Variants in PIAS1 observed in about 807,000 individuals in gnomAD.
The protein encoded by PIAS1 is protein inhibitor of activated STAT 1, also known as E3 SUMO-protein ligase PIAS1.
PIAS1 carries 6 observed loss-of-function variants against 71.3 expected under a neutral mutation model. The observed-to-expected ratio is 0.08, with a 90% CI of 0.05 to 0.17. The LOEUF is 0.17. Among genes scored for constraint, PIAS1 ranks in the 10% least tolerant of loss-of-function variants. The probability of loss-of-function intolerance (pLI) is 1.00; values close to 1 mark genes in which losing one functional copy is unlikely to be tolerated. For synonymous variants in PIAS1, 303 were observed against 292.9 expected, an observed-to-expected ratio of 1.03 and a Z score of -0.35; for missense variants, 555 against 793.6, an observed-to-expected ratio of 0.70 and a Z score of 3.61.
chr15:68,180,205 A>G lies in PIAS1; in HGVS notation c.1482-1007A>G, dbSNP rs189264975. ...AGCCTCGACCCCCCAGGCTCAAGCA[A>G]TCCTCTCATCTATCTCCCAAGTAGC... On this transcript the variant is annotated intron_variant, in intron 11 of 13. Coordinates refer to ENST00000249636, the MANE Select transcript of PIAS1 (RefSeq NM_016166.3). 1.1e-3 allele frequency among the ~76,000 whole-genome samples: 169 copies of G among 152,144 alleles called. 1 individual carries two copies. Among genetic ancestry groups the G allele is most frequent in the African/African-American group, 3.9e-3 (163 of 41,516 alleles).
intron 4 of PIAS1, among the ~76,000 whole-genome samples, chr15:68,144,010 G>A (rs1595762783): frequency 6.6e-6 from 1 of 151,934 alleles, no homozygotes; most frequent in Non-Finnish European, 1.5e-5. Context: ...AGCAACAGGT[G>A]TGGTCCACAT....
At chr15:68,147,586 T>G (rs1415720472) in intron 6 of PIAS1, among the ~76,000 whole-genome samples, 1 of 152,160 alleles carries the variant, frequency 6.6e-6, no homozygotes, top group African/African-American at 2.4e-5. Context: ...AGCCAAAACT[T>G]AACCAGTTAT....
intron 2 of PIAS1, among the ~76,000 whole-genome samples, chr15:68,138,301 G>T (rs191166162): frequency 6.6e-6 from 1 of 152,208 alleles, no homozygotes; most frequent in East Asian, 1.9e-4. Context: ...GGTGCCTCTT[G>T]AACTGCTTGA....
intron 7 of PIAS1, among the ~76,000 whole-genome samples, chr15:68,160,618 CAG>C (rs1422888940): frequency 6.6e-6 from 1 of 152,088 alleles, no homozygotes; most frequent in Admixed American, 6.6e-5. Flanking sequence ...GGTGACCAAA[CAG>C]AATTTATTTC....
At chr15:68,106,096 T>C (rs904950210) in intron 2 of PIAS1, among the ~76,000 whole-genome samples, 3 of 152,084 alleles carry the variant, frequency 2.0e-5, no homozygotes, top group African/African-American at 7.2e-5. Flanking sequence ...AGATATTGAT[T>C]CAAGTAAAGG....
rs1411780725 is a variant in PIAS1 at position 68,187,668 on chromosome 15, G to A, written c.1789G>A (p.Gly597Ser). Residue 597 changes from glycine (G) to serine (S), a missense_variant, in exon 14 of 14, where the codon GGC (glycine) becomes AGC (serine). Transcript: ENST00000249636. This position sits in a 1 kb window ranked among gnomAD's most constrained non-coding sequence, Gnocchi z 5.3. Reference sequence around the variant, plus strand: ...GTTTCTTGATCAGTTAAGTGCAGGAGGCAGTACTTCTCTGCCAACCACCAA... The same window carrying A: ...GTTTCTTGATCAGTTAAGTGCAGGAAGCAGTACTTCTCTGCCAACCACCAA... ...QMFLDQLSAG[G>S]STSLPTTNGS... is the part of the protein sequence containing the mutation. The A allele has an allele frequency of 1.2e-6, 2 of 1,613,988 alleles. No homozygotes were observed. The highest frequency in any genetic ancestry group is 3.3e-5 in the Admixed American group (2 of 60,008).
At chr15:68,108,875 C>T (rs1176348346) in intron 2 of PIAS1, among the ~76,000 whole-genome samples, 4 of 152,162 alleles carry the variant, frequency 2.6e-5, no homozygotes, top group Non-Finnish European at 5.9e-5. Flanking sequence ...TGCTACTATG[C>T]TTATCTGAGC....
chr15:68,179,895 A>G (rs139956712), intron 11 of PIAS1, among the ~76,000 whole-genome samples: 204 of 151,942 alleles, frequency 1.3e-3, no homozygotes, highest in Non-Finnish European at 2.2e-3. Flanking sequence ...GAAATATTCT[A>G]TACCACTGAA....
intron 4 of PIAS1, among the ~76,000 whole-genome samples, chr15:68,142,563 G>A (rs1841714605): frequency 6.6e-6 from 1 of 152,004 alleles, no homozygotes; most frequent in African/African-American, 2.4e-5. Context: ...ATATTTGGGT[G>A]AGGGAAAACA....
At chr15:68,077,890 G>T (rs558712174) in intron 1 of PIAS1, among the ~76,000 whole-genome samples, 20 of 152,302 alleles carry the variant, frequency 1.3e-4, no homozygotes, top group Admixed American at 5.2e-4. Flanking sequence ...CTAGGACCCA[G>T]ACTGAAGGCT....
At chr15:68,117,277 G>A (rs374295767) in intron 2 of PIAS1, among the ~76,000 whole-genome samples, 1 of 151,992 alleles carries the variant, frequency 6.6e-6, no homozygotes, top group South Asian at 2.1e-4. Context: ...GTAGAGTTGG[G>A]GTTTCACCAT....
intron 1 of PIAS1, among the ~76,000 whole-genome samples, chr15:68,067,562 G>T (rs1169386249): frequency 2.6e-5 from 4 of 151,862 alleles, no homozygotes; most frequent in Non-Finnish European, 5.9e-5. Flanking sequence ...TTAACTGGAG[G>T]TCATTGTAAA....
intron 2 of PIAS1, among the ~76,000 whole-genome samples, chr15:68,125,179 TATTTCTC>T (rs2092642134): frequency 6.6e-6 from 1 of 152,222 alleles, no homozygotes; most frequent in Non-Finnish European, 1.5e-5. Flanking sequence ...CCTGTGTACT[TATTTCTC>T]ATTCATTGCC....
intron 6 of PIAS1, among the ~76,000 whole-genome samples, chr15:68,151,947 T>TTTTTC: frequency 1.3e-5 from 1 of 77,514 alleles, no homozygotes; most frequent in Non-Finnish European, 2.9e-5. Flanking sequence ...GAATTTTTTT[T>TTTTTC]TTTTTTTTTT....
intron 2 of PIAS1, among the ~76,000 whole-genome samples, chr15:68,116,314 T>C (rs1196265788): frequency 2.6e-5 from 4 of 152,128 alleles, no homozygotes; most frequent in East Asian, 1.9e-4. Flanking sequence ...AAGTAAACTT[T>C]GGTAGTTTTT....
chr15:68,182,338 G>A (rs2093058211), intron 12 of PIAS1, among the ~76,000 whole-genome samples: 1 of 150,690 alleles, frequency 6.6e-6, no homozygotes, highest in Non-Finnish European at 1.5e-5. Context: ...AGCCATATAT[G>A]CTCATTGTAG....
At chr15:68,059,398 A>T (rs12898722) in intron 1 of PIAS1, among the ~76,000 whole-genome samples, 7,300 of 152,136 alleles carry the variant, frequency 0.048, 245 homozygotes, top group South Asian at 0.086. Flanking sequence ...TTGATATGAC[A>T]GATCTTTTTT....
At position 68,157,307 on chromosome 15, in the gene PIAS1, G is replaced by A. The variant is rs146051457; in HGVS notation, c.934+3612G>A. On this transcript the variant is annotated intron_variant, in intron 7 of 13. Coordinates refer to ENST00000249636, the MANE Select transcript of PIAS1 (RefSeq NM_016166.3). ...GTTTTCAGTTCCTCTCTGTCTGCAGGCTTTTTCTGTCACTCTGTGCTGTCA... is the reference window on the plus strand; with the variant it reads ...GTTTTCAGTTCCTCTCTGTCTGCAGACTTTTTCTGTCACTCTGTGCTGTCA... 4.1e-3 allele frequency among the ~76,000 whole-genome samples: 628 copies of A among 152,170 alleles called. 2 individuals are homozygous for A. Among genetic ancestry groups the A allele is most frequent in the Non-Finnish European group, 6.0e-3 (406 of 67,988 alleles).
intron 5 of PIAS1, among the ~76,000 whole-genome samples, chr15:68,146,340 T>G (rs1428883005): frequency 6.6e-6 from 1 of 152,164 alleles, no homozygotes; most frequent in Non-Finnish European, 1.5e-5. Context: ...TTTAAGAGAT[T>G]TTGAATTTTC....
Sources: gnomAD v4.1 joint callset for allele counts (sites outside exome capture counted in the v4.1 genomes callset) on GRCh38, gnomAD v4.1.1 for gene constraint, Gnocchi (gnomAD v3.1) non-coding constraint, MANE v1.5 for transcripts, NCBI Gene and HGNC (gene_info 2026-07-23, HGNC 2026-07-21) for gene names.